AAMP: variants seen among roughly 807,000 people sequenced by gnomAD.
The protein encoded by AAMP is angio-associated migratory cell protein.
In AAMP, 12 loss-of-function variants were observed where a neutral mutation model predicts 51.1. The ratio of observed to expected loss-of-function variants is 0.23; its 90% CI spans 0.15 to 0.38. The LOEUF (loss-of-function observed/expected upper bound fraction) is 0.38. AAMP is among the 10% of genes least tolerant of loss of function. AAMP has a pLI of 1.00. For missense variants in AAMP, 418 were observed against 557.2 expected (o/e 0.75, Z 2.52); for synonymous variants, 210 against 218.7 (o/e 0.96, Z 0.35).
At chr2:218,268,678 C>T (rs1690696999) in intron 2 of AAMP, among the ~76,000 whole-genome samples, 3 of 148,980 alleles carry the variant, frequency 2.0e-5, no homozygotes, top group South Asian at 4.3e-4. Context: ...CTTTTATTAA[C>T]TTTTATCAAA....
rs768542538 is a variant in AAMP, at chr2:218,266,478, T to C, written c.644A>G (p.Asn215Ser). The C allele has an allele frequency of 6.2e-7, 1 of 1,614,028 alleles. No homozygotes were observed. Among genetic ancestry groups the C allele is most frequent in the South Asian group, 1.1e-5 (1 of 91,078 alleles). Residue 215 changes from asparagine to serine, a missense_variant, in exon 5 of 11, where the codon AAC becomes AGC. Transcript: ENST00000248450. This position sits in a 1 kb window ranked among gnomAD's most constrained non-coding sequence, Gnocchi z 4.7. The part of the protein sequence containing the change: ...NGDCKTFQGP[N>S]CPATCGRVLP... ...GACTCGGCCACAGGTGGCTGGGCAG[T>C]TGGGACCCTGGAAGGTCTTGCAGTC...
rs1307842635 is a variant in AAMP at position 218,265,025 on chromosome 2, G to A, written c.1224C>T (p.Leu408=). 2 of 1,613,678 alleles carry A rather than the reference G, an allele frequency of 1.2e-6. No homozygotes were observed. The highest frequency in any genetic ancestry group is 1.7e-6 in the Non-Finnish European group (2 of 1,180,026). ...GHTAEILDFA[L]SKDASLVVTT... Reference sequence around the variant, plus strand: ...CCCTTGGCCAATTCACTTACTTGCTGAGGGCAAAGTCCAGGATCTCAGCCG... The same window carrying A: ...CCCTTGGCCAATTCACTTACTTGCTAAGGGCAAAGTCCAGGATCTCAGCCG... The change falls in exon 10 of 11, where the codon CTC becomes CTT. Residue 408 remains leucine, a synonymous_variant. Coordinates refer to ENST00000248450, the MANE Select transcript of AAMP (RefSeq NM_001087.5). This position sits in a 1 kb window ranked among gnomAD's most constrained non-coding sequence, Gnocchi z 6.6.
rs747326831 is a variant in AAMP, at chr2:218,267,016, G to GA, written c.395-31dup. ...AAAGAAAAGTGGGCAGAAAACAGAGGAAAAAAATAGGGTACCTGGTGCTGG... is the reference window on the plus strand; with the variant it reads ...AAAGAAAAGTGGGCAGAAAACAGAGGAAAAAAAATAGGGTACCTGGTGCTGG... On this transcript the variant is annotated intron_variant, in intron 3 of 10. Transcript: ENST00000248450. The surrounding 1 kb of genome is among the most constrained non-coding windows in gnomAD (Gnocchi z 4.6). 41 of 1,605,996 alleles carry GA rather than the reference G, an allele frequency of 2.6e-5. No homozygotes were observed. The highest frequency in any genetic ancestry group is 3.2e-5 in the Non-Finnish European group (38 of 1,175,568).
chr2:218,269,646 G>A lies in AAMP; in HGVS notation c.122-112C>T, dbSNP rs149447794. 1.4e-4 allele frequency: 214 copies of A among 1,565,358 alleles called. No homozygotes were observed. The African/African-American group carries it at 2.1e-3, about 15-fold the overall frequency. On this transcript the variant is annotated intron_variant, in intron 1 of 10. Coordinates refer to ENST00000248450, the MANE Select transcript of AAMP (RefSeq NM_001087.5). ...GGTCATGTGGCGAGAAGGGAAGGTG[G>A]AGTCAGACACACCGGGGTCCGCGGG... is the stretch of plus-strand genomic sequence containing the variant.
In AAMP at chr2:218,269,553, T is replaced by C; in HGVS notation, c.122-19A>G. On this transcript the variant is annotated intron_variant, in intron 1 of 10. Coordinates refer to ENST00000248450, the MANE Select transcript of AAMP (RefSeq NM_001087.5). ...AGGTCATCTGCTTTGGGGAGAGGGTTAGAAGATGGGGCTCGGGAGGCGGTA... is the reference window on the plus strand; with the variant it reads ...AGGTCATCTGCTTTGGGGAGAGGGTCAGAAGATGGGGCTCGGGAGGCGGTA... The C allele has an allele frequency of 6.2e-7, 1 of 1,614,038 alleles. No individual in the cohort carries two copies. Among genetic ancestry groups the C allele is most frequent in the African/African-American group, 1.3e-5 (1 of 75,014 alleles).
rs1266957675 is a variant in AAMP, at chr2:218,267,297, C to T, written c.394+197G>A. The T allele has an allele frequency of 2.4e-6, 2 of 835,634 alleles. No homozygotes were observed. The highest frequency in any genetic ancestry group is 3.7e-6 in the Non-Finnish European group (2 of 538,020). 51.8% of individuals were successfully genotyped at this position (835,634 alleles called of 1,614,324 possible). On this transcript the variant is annotated intron_variant, in intron 3 of 10. Transcript: ENST00000248450. This position sits in a 1 kb window ranked among gnomAD's most constrained non-coding sequence, Gnocchi z 4.6. ...GCCTTCTCTGGCCTTTCCTGGATTC[C>T]CTTGGCCAATTAGTGCCTCCTGCCT...
At position 218,266,581 on chromosome 2, in the gene AAMP, C is replaced by T; in HGVS notation, c.541G>A (p.Glu181Lys). The T allele has an allele frequency of 6.2e-7, 1 of 1,613,038 alleles. No homozygotes were observed. The highest frequency in any genetic ancestry group is 2.2e-5 in the East Asian group (1 of 44,868). The change falls in exon 5 of 11, where the codon GAG becomes AAG. Residue 181 changes from glutamate (E) to lysine (K), a missense_variant. Transcript: ENST00000248450. The surrounding 1 kb of genome is among the most constrained non-coding windows in gnomAD (Gnocchi z 4.7). ...SFEAGDLEWM[E>K]WHPRAPVLLA... ...AGGACAGGTGCCCGAGGATGCCACT[C>T]CATCCACTGGACAGGGAGGAAGGGG...
Position 218,265,797 on chromosome 2 carries a change from G to C in AAMP, c.879+34C>G. On this transcript the variant is annotated intron_variant, in intron 7 of 10. Transcript: ENST00000248450. This position sits in a 1 kb window ranked among gnomAD's most constrained non-coding sequence, Gnocchi z 6.6. ...GGAAGGAAGGAGAGGAGTCGGGAAA[G>C]CGGAGGCCCCAGCCGGGCTCCAGGT... is the stretch of plus-strand genomic sequence containing the variant. 1.3e-6 allele frequency: 2 copies of C among 1,594,964 alleles called. No individual in the cohort carries two copies. The highest frequency in any genetic ancestry group is 1.1e-5 in the South Asian group (1 of 90,462).
In AAMP at chr2:218,267,103, G is replaced by T; in HGVS notation, c.395-117C>A. The T allele has an allele frequency of 1.6e-6, 2 of 1,217,316 alleles. No homozygotes were observed. Among genetic ancestry groups the T allele is most frequent in the Non-Finnish European group, 2.3e-6 (2 of 864,874 alleles). 75.4% of individuals were successfully genotyped at this position (1,217,316 alleles called of 1,614,324 possible). ...CCAGCTAGGAAAAAAAGAGGGGCGGGACTGAGCAGAACAGGTGCTGGAACT... is the reference window on the plus strand; with the variant it reads ...CCAGCTAGGAAAAAAAGAGGGGCGGTACTGAGCAGAACAGGTGCTGGAACT... On this transcript the variant is annotated intron_variant, in intron 3 of 10. Transcript: ENST00000248450. This position sits in a 1 kb window ranked among gnomAD's most constrained non-coding sequence, Gnocchi z 4.6.
rs1008767866 is a variant in AAMP, at chr2:218,270,100, C to T, written c.-14G>A. 7 of 1,613,368 alleles carry T rather than the reference C, an allele frequency of 4.3e-6. No individual in the cohort carries two copies. The Middle Eastern group carries it at 5.0e-4, about 114-fold the overall frequency. ...TTCGGACTCCATGCGGCGCAAGCGG[C>T]GGATCCACTTCTCTGGGCCCAAACG... On this transcript the variant is annotated 5_prime_UTR_variant, in exon 1 of 11. Transcript: ENST00000248450.
Position 218,267,086 on chromosome 2 carries a change from GAAAAA to G in AAMP, c.395-105_395-101del. 2.1e-6 allele frequency: 3 copies of G among 1,411,126 alleles called. No individual in the cohort carries two copies. The highest frequency in any genetic ancestry group is 2.9e-6 in the Non-Finnish European group (3 of 1,024,594). 87.4% of individuals were successfully genotyped at this position (1,411,126 alleles called of 1,614,324 possible). A position where few individuals can be genotyped will look rare whatever the true frequency, so the allele number is the denominator to read the frequency against. ...CTGGCCCACTGAAAGGACCAGCTAG[GAAAAA>G]AAGAGGGGCGGGACTGAGCAGAACA... On this transcript the variant is annotated intron_variant, in intron 3 of 10. Transcript: ENST00000248450. This position sits in a 1 kb window ranked among gnomAD's most constrained non-coding sequence, Gnocchi z 4.6.
Position 218,267,323 on chromosome 2 carries a change from C to T in AAMP, c.394+171G>A. 9.7e-7 allele frequency: 1 copy of T among 1,033,376 alleles called. No individual in the cohort carries two copies. Among genetic ancestry groups the T allele is most frequent in the South Asian group, 1.5e-5 (1 of 64,866 alleles). 64.0% of individuals were successfully genotyped at this position (1,033,376 alleles called of 1,614,324 possible). A position where few individuals can be genotyped will look rare whatever the true frequency, so the allele number is the denominator to read the frequency against. ...CTTGGCCAATTAGTGCCTCCTGCCT[C>T]TGTGCCCAAAACACACTAGTATTCG... On this transcript the variant is annotated intron_variant, in intron 3 of 10. Coordinates refer to ENST00000248450, the MANE Select transcript of AAMP (RefSeq NM_001087.5). The surrounding 1 kb of genome is among the most constrained non-coding windows in gnomAD (Gnocchi z 4.6).
chr2:218,264,587 G>C lies in AAMP; in HGVS notation c.1251C>G (p.Thr417=), dbSNP rs1474627664. 1.2e-6 allele frequency: 2 copies of C among 1,614,068 alleles called. No homozygotes were observed. The highest frequency in any genetic ancestry group is 2.2e-5 in the East Asian group (1 of 44,874). ...CTTTCGCTTTGTGGTCTCCTGACGTGGTCACCACCAGGGAGGCATCTCTGT... is the reference window on the plus strand; with the variant it reads ...CTTTCGCTTTGTGGTCTCCTGACGTCGTCACCACCAGGGAGGCATCTCTGT... ...ALSKDASLVV[T]TSGDHKAKVF... is the part of the protein sequence containing the mutation. Residue 417 remains threonine (T), a synonymous_variant, in exon 11 of 11, where the codon ACC becomes ACG. Transcript: ENST00000248450.
In AAMP at chr2:218,266,536, C is replaced by T. The variant is rs760317612; in HGVS notation, c.586G>A (p.Gly196Ser). The change falls in exon 5 of 11, where the codon GGC becomes AGC. Residue 196 changes from glycine to serine, a missense_variant. Transcript: ENST00000248450. This position sits in a 1 kb window ranked among gnomAD's most constrained non-coding sequence, Gnocchi z 4.7. ...APVLLAGTAD[G>S]NTWMWKVPNG... is the part of the protein sequence containing the mutation. ...GGGACTTTCCACATCCAGGTGTTGC[C>T]GTCAGCTGTGCCCGCCAACAGGACA... 1.1e-5 allele frequency: 18 copies of T among 1,613,574 alleles called. No homozygotes were observed. Among genetic ancestry groups the T allele is most frequent in the Middle Eastern group, 1.6e-4 (1 of 6,078 alleles).
At position 218,265,585 on chromosome 2, in the gene AAMP, C is replaced by T. The variant is rs1482894207; in HGVS notation, c.977G>A (p.Cys326Tyr). 1.9e-6 allele frequency: 3 copies of T among 1,613,686 alleles called. No homozygotes were observed. In the African/African-American group the frequency reaches 4.0e-5, roughly 22 times the overall value. The change falls in exon 8 of 11, where the codon TGC (cysteine) becomes TAC (tyrosine). Residue 326 changes from cysteine (C) to tyrosine (Y), a missense_variant. Coordinates refer to ENST00000248450, the MANE Select transcript of AAMP (RefSeq NM_001087.5). This position sits in a 1 kb window ranked among gnomAD's most constrained non-coding sequence, Gnocchi z 6.6. ...ESNSVESLGFCSVMPLAAVGY... is the reference protein window; with the variant it reads ...ESNSVESLGFYSVMPLAAVGY... The stretch of plus-strand genomic sequence containing the variant: ...TTTCCCCATCCTCACTCACACACTG[C>T]AGAAGCCCAAGGACTCCACCGAGTT...
chr2:218,266,569 G>A lies in AAMP; in HGVS notation c.553C>T (p.Arg185Trp), dbSNP rs751629216. ...GTGCCCGCCAACAGGACAGGTGCCC[G>A]AGGATGCCACTCCATCCACTGGACA... ...GDLEWMEWHP[R>W]APVLLAGTAD... Residue 185 changes from arginine (R) to tryptophan (W), a missense_variant, in exon 5 of 11, where the codon CGG becomes TGG. Arg to Trp is a moderately radical substitution (Grantham distance 101, BLOSUM62 -3). Coordinates refer to ENST00000248450, the MANE Select transcript of AAMP (RefSeq NM_001087.5). The surrounding 1 kb of genome is among the most constrained non-coding windows in gnomAD (Gnocchi z 4.7). 8.1e-6 allele frequency: 13 copies of A among 1,613,272 alleles called. No homozygotes were observed. Among genetic ancestry groups the A allele is most frequent in the African/African-American group, 1.3e-5 (1 of 74,906 alleles).
chr2:218,265,840 G>A lies in AAMP; in HGVS notation c.870C>T (p.Thr290=). 1 of 1,612,504 alleles carries A rather than the reference G, an allele frequency of 6.2e-7. No individual in the cohort carries two copies. The highest frequency in any genetic ancestry group is 8.5e-7 in the Non-Finnish European group (1 of 1,179,066). The change falls in exon 7 of 11, where the codon ACC becomes ACT. Residue 290 remains threonine (T), a synonymous_variant. Coordinates refer to ENST00000248450, the MANE Select transcript of AAMP (RefSeq NM_001087.5). This position sits in a 1 kb window ranked among gnomAD's most constrained non-coding sequence, Gnocchi z 6.6. ...VDCQAKLVSA[T]TGKVVGVFRP... Reference sequence around the variant, plus strand: ...CTCCAGGTCCACTCACCTTGCCGGTGGTGGCACTGACCAGCTTGGCCTGGC... The same window carrying A: ...CTCCAGGTCCACTCACCTTGCCGGTAGTGGCACTGACCAGCTTGGCCTGGC...
intron 10 of AAMP, 117 bp from the exon 11 acceptor site, chr2:218,264,725 G>A: frequency 2.1e-6 from 2 of 943,304 alleles, no homozygotes; most frequent in Non-Finnish European, 3.4e-6. Context: ...GCCTAGCACT[G>A]GGCCGACATC....
In AAMP at chr2:218,266,402, C is replaced by T. The variant is rs1377627614; in HGVS notation, c.679+41G>A. 1.2e-6 allele frequency: 2 copies of T among 1,602,692 alleles called. No individual in the cohort carries two copies. The highest frequency in any genetic ancestry group is 1.7e-6 in the Non-Finnish European group (2 of 1,171,720). On this transcript the variant is annotated intron_variant, in intron 5 of 10. Coordinates refer to ENST00000248450, the MANE Select transcript of AAMP (RefSeq NM_001087.5). The surrounding 1 kb of genome is among the most constrained non-coding windows in gnomAD (Gnocchi z 4.7). ...GGAGGTGTATATCCCGGGATTCGGC[C>T]TCTGCACCCAGGAAAGGTCACTCAA... is the stretch of plus-strand genomic sequence containing the variant.
Sources: gnomAD v4.1 joint callset for allele counts (sites outside exome capture counted in the v4.1 genomes callset) on GRCh38, gnomAD v4.1.1 for gene constraint, Gnocchi (gnomAD v3.1) non-coding constraint, MANE v1.5 for transcripts, NCBI Gene and HGNC (gene_info 2026-07-23, HGNC 2026-07-21) for gene names.